Variants in DCC observed in about 807,000 individuals in gnomAD.
DCC encodes the protein DCC netrin 1 receptor, also known as netrin receptor DCC.
Under a neutral mutation model 172.5 loss-of-function variants are expected in DCC, and 58 were observed. That is an observed-to-expected ratio of 0.34 (90% CI 0.27 to 0.42). The LOEUF (loss-of-function observed/expected upper bound fraction) is 0.42, where lower values mean the gene tolerates loss of function less well. Ranked by LOEUF, DCC falls within the 10% of genes least tolerant of loss-of-function variation. DCC has a pLI of 1.00. For synonymous variants in DCC, 709 were observed against 644.5 expected, an observed-to-expected ratio of 1.10 and a Z score of -1.52; for missense variants, 1,740 against 1,791.0, an observed-to-expected ratio of 0.97 and a Z score of 0.51.
intron 1 of DCC, among the ~76,000 whole-genome samples, chr18:52,369,253 G>A (rs1032269931): frequency 6.7e-6 from 1 of 148,298 alleles, no homozygotes; most frequent in African/African-American, 2.5e-5. Context: ...TTTTTTCTTT[G>A]TGGGTTTTTT....
intron 5 of DCC, among the ~76,000 whole-genome samples, chr18:52,996,538 T>A (rs1032337369): frequency 5.3e-5 from 8 of 151,258 alleles, no homozygotes; most frequent in Non-Finnish European, 1.0e-4. Context: ...ATTCCAGAAA[T>A]TTTTCACCCT....
rs529524159 is a variant in DCC at position 52,566,833 on chromosome 18, C to T, written c.92-185221C>T. Among the ~76,000 whole-genome samples the T allele has an allele frequency of 5.9e-5, 9 of 152,010 alleles. No individual in the cohort carries two copies. In the South Asian group the frequency reaches 1.0e-3, roughly 18 times the overall value. On this transcript the variant is annotated intron_variant, in intron 1 of 28. Transcript: ENST00000442544. ...GGTTTATTTGGGCTTGCCATTAATA[C>T]GCTGTAGAAATTTGGATTCAACCTA...
intron 5 of DCC, among the ~76,000 whole-genome samples, chr18:52,931,078 T>C (rs2040300721): frequency 6.6e-6 from 1 of 152,036 alleles, no homozygotes; most frequent in Admixed American, 6.6e-5. Flanking sequence ...ATGGACTTTA[T>C]ATCATTTATA....
At chr18:53,293,319 T>C (rs140025191) in intron 12 of DCC, among the ~76,000 whole-genome samples, 2 of 152,182 alleles carry the variant, frequency 1.3e-5, no homozygotes, top group Non-Finnish European at 2.9e-5. Flanking sequence ...GCAATAGGAA[T>C]GCAGCTAGAT....
chr18:53,409,495 G>T (rs996407580), intron 19 of DCC, among the ~76,000 whole-genome samples: 2 of 152,158 alleles, frequency 1.3e-5, no homozygotes, highest in Non-Finnish European at 2.9e-5. Context: ...CACGACATTT[G>T]TTTATCAATG....
intron 1 of DCC, among the ~76,000 whole-genome samples, chr18:52,530,241 ACACG>A (rs1359858560): frequency 6.6e-6 from 1 of 152,212 alleles, no homozygotes; most frequent in Non-Finnish European, 1.5e-5. Context: ...TTTTACACAC[ACACG>A]CACACACACA....
At chr18:52,469,514 T>C (rs974631373) in intron 1 of DCC, among the ~76,000 whole-genome samples, 3 of 152,038 alleles carry the variant, frequency 2.0e-5, no homozygotes, top group African/African-American at 7.3e-5. Context: ...TAAGAATGAG[T>C]GGAAAATGGG....
chr18:53,010,957 A>G (rs1421879353), intron 5 of DCC, among the ~76,000 whole-genome samples: 1 of 151,190 alleles, frequency 6.6e-6, no homozygotes, highest in Non-Finnish European at 1.5e-5. Context: ...AGTGGTGGAT[A>G]CTCTTCATTT....
chr18:52,972,886 T>A (rs751079355), intron 5 of DCC, among the ~76,000 whole-genome samples: 3 of 152,240 alleles, frequency 2.0e-5, no homozygotes, highest in African/African-American at 4.8e-5. Context: ...CAGTTTTGAA[T>A]GGTTCCATGC....
At chr18:52,455,098 G>A (rs556550390) in intron 1 of DCC, among the ~76,000 whole-genome samples, 1 of 152,132 alleles carries the variant, frequency 6.6e-6, no homozygotes, top group African/African-American at 2.4e-5. Context: ...AGTATTAAGT[G>A]CTGCCATAAT....
At chr18:53,171,833 A>G (rs745852439) in intron 8 of DCC, among the ~76,000 whole-genome samples, 6 of 151,138 alleles carry the variant, frequency 4.0e-5, no homozygotes, top group Non-Finnish European at 8.8e-5. Context: ...ATACCATTCC[A>G]CATCAGTCAG....
At chr18:53,312,692 C>A (rs2057289275) in intron 13 of DCC, among the ~76,000 whole-genome samples, 1 of 150,030 alleles carries the variant, frequency 6.7e-6, no homozygotes, top group South Asian at 2.1e-4. Flanking sequence ...GCCTGTAATC[C>A]CAGCTACTCG....
intron 9 of DCC, among the ~76,000 whole-genome samples, chr18:53,189,784 C>T (rs1315326210): frequency 1.3e-5 from 2 of 152,256 alleles, no homozygotes; most frequent in South Asian, 4.1e-4. Context: ...TGAAGTTAGC[C>T]AAATAACAGA....
At chr18:53,415,659 A>G (rs1182396137) in intron 20 of DCC, among the ~76,000 whole-genome samples, 2 of 152,138 alleles carry the variant, frequency 1.3e-5, no homozygotes, top group Non-Finnish European at 2.9e-5. Flanking sequence ...AGATATTTAG[A>G]TTATATTGTA....
chr18:52,856,691 T>A (rs2039061734), intron 2 of DCC, among the ~76,000 whole-genome samples: 1 of 151,876 alleles, frequency 6.6e-6, no homozygotes. Context: ...AACTTTTAAT[T>A]AGAATTTTGT....
chr18:53,398,404 C>T (rs143344483), intron 18 of DCC, among the ~76,000 whole-genome samples: 9 of 152,184 alleles, frequency 5.9e-5, no homozygotes, highest in African/African-American at 1.9e-4. Flanking sequence ...TTTTAACATC[C>T]TATTTTTCTA....
chr18:53,332,155 C>T (rs762280523), intron 14 of DCC, among the ~76,000 whole-genome samples: 2 of 152,140 alleles, frequency 1.3e-5, no homozygotes, highest in African/African-American at 2.4e-5. Context: ...AATTACAATT[C>T]ATTGTTGTGG....
At chr18:53,388,778 A>G (rs1428485907) in intron 16 of DCC, among the ~76,000 whole-genome samples, 1 of 152,154 alleles carries the variant, frequency 6.6e-6, no homozygotes, top group Non-Finnish European at 1.5e-5. Context: ...AAATTGCATC[A>G]TTATTTTTAA....
chr18:52,361,368 A>G (rs904728628), intron 1 of DCC, among the ~76,000 whole-genome samples: 15 of 152,324 alleles, frequency 9.8e-5, no homozygotes, highest in African/African-American at 2.9e-4. Context: ...GCATTGCATT[A>G]AGATACTGAG....
Sources: allele counts gnomAD v4.1 joint callset (sites outside exome capture counted in the v4.1 genomes callset), GRCh38; gene constraint gnomAD v4.1.1; transcripts MANE v1.5; gene names NCBI Gene and HGNC (gene_info 2026-07-23, HGNC 2026-07-21).